The following BTBD9 variants were observed in gnomAD, a reference collection of about 807,000 sequenced individuals.
BTBD9 encodes the protein BTB/POZ domain-containing protein 9.
In BTBD9, 49 loss-of-function variants were observed where a neutral mutation model predicts 64.3. The observed-to-expected ratio is 0.76, with a 90% CI of 0.61 to 0.97. The LOEUF is 0.97. BTBD9 is among the 50% of genes least tolerant of loss of function. The pLI is 0.00. For missense variants in BTBD9, 598 were observed against 762.1 expected (o/e 0.78, Z 2.53); for synonymous variants, 260 against 274.7 (o/e 0.95, Z 0.53).
intron 6 of BTBD9, among the ~76,000 whole-genome samples, chr6:38,444,488 G>A (rs1275013114): frequency 2.6e-5 from 4 of 152,130 alleles, no homozygotes; most frequent in Non-Finnish European, 5.9e-5. Flanking sequence ...TATTAATAAG[G>A]AAAATGGTTG....
intron 6 of BTBD9, among the ~76,000 whole-genome samples, chr6:38,441,682 A>T (rs1382533769): frequency 1.3e-5 from 2 of 152,136 alleles, no homozygotes; most frequent in Admixed American, 1.3e-4. Flanking sequence ...CTCCAAAAGC[A>T]CTAGTATTAA....
intron 7 of BTBD9, among the ~76,000 whole-genome samples, chr6:38,343,129 G>A (rs1445827271): frequency 6.6e-6 from 1 of 152,222 alleles, no homozygotes; most frequent in Non-Finnish European, 1.5e-5. Flanking sequence ...CACCATGGAA[G>A]AGTGCTTGAA....
At chr6:38,492,522 A>G (rs1011598716) in intron 6 of BTBD9, among the ~76,000 whole-genome samples, 7 of 152,216 alleles carry the variant, frequency 4.6e-5, no homozygotes, top group South Asian at 2.1e-4. Context: ...TAAAATAATG[A>G]TTTTTAAACT....
chr6:38,438,848 C>T (rs1211266586), intron 6 of BTBD9, among the ~76,000 whole-genome samples: 2 of 152,092 alleles, frequency 1.3e-5, no homozygotes, highest in Non-Finnish European at 2.9e-5. Context: ...GGTGTTTGGC[C>T]TTACTAAGGC....
chr6:38,213,340 G>A (rs1451944314), intron 9 of BTBD9, among the ~76,000 whole-genome samples: 3 of 152,070 alleles, frequency 2.0e-5, no homozygotes, highest in Non-Finnish European at 4.4e-5. Context: ...GAACAGACAG[G>A]AAGTTGGGAG....
chr6:38,497,885 G>A (rs1772022653), intron 6 of BTBD9, among the ~76,000 whole-genome samples: 1 of 152,174 alleles, frequency 6.6e-6, no homozygotes, highest in African/African-American at 2.4e-5. Flanking sequence ...CTAGGCTACA[G>A]TCAAACTGCA....
At chr6:38,390,898 C>G (rs1363370963) in intron 6 of BTBD9, among the ~76,000 whole-genome samples, 2 of 152,240 alleles carry the variant, frequency 1.3e-5, no homozygotes, top group African/African-American at 4.8e-5. Flanking sequence ...GGAAATTGCA[C>G]TGGTCTGTGA....
intron 5 of BTBD9, among the ~76,000 whole-genome samples, chr6:38,578,004 G>T (rs1337319656): frequency 1.3e-5 from 2 of 152,068 alleles, no homozygotes. Flanking sequence ...ACAGTGCTTG[G>T]CACATCAGGC....
At chr6:38,313,225 T>C (rs980373103) in intron 7 of BTBD9, among the ~76,000 whole-genome samples, 29 of 152,222 alleles carry the variant, frequency 1.9e-4, no homozygotes, top group African/African-American at 6.8e-4. Flanking sequence ...AAAATGCTAC[T>C]GGTGATTTTC....
intron 6 of BTBD9, among the ~76,000 whole-genome samples, chr6:38,416,089 A>G (rs796993486): frequency 1.2e-4 from 19 of 152,278 alleles, no homozygotes; most frequent in African/African-American, 4.6e-4. Context: ...ATTCCATAGT[A>G]CCAAGTACTC....
intron 10 of BTBD9, chr6:38,179,329 A>C (rs928009328): frequency 5.0e-6 from 2 of 398,788 alleles, no homozygotes; most frequent in African/African-American, 4.2e-5. Flanking sequence ...AGTCATTTTC[A>C]AATCAAGAAA....
At chr6:38,419,549 T>G (rs781648205) in intron 6 of BTBD9, among the ~76,000 whole-genome samples, 1 of 152,186 alleles carries the variant, frequency 6.6e-6, no homozygotes, top group African/African-American at 2.4e-5. Flanking sequence ...AAATGCTAAT[T>G]TAGGAAGACT....
intron 6 of BTBD9, among the ~76,000 whole-genome samples, chr6:38,569,009 G>C (rs753416673): frequency 2.6e-5 from 4 of 152,170 alleles, no homozygotes; most frequent in African/African-American, 9.6e-5. Flanking sequence ...TAGGAATTAC[G>C]GGTGGGTAGA....
At chr6:38,617,366 G>A (rs1050167303) in intron 1 of BTBD9, among the ~76,000 whole-genome samples, 10 of 152,100 alleles carry the variant, frequency 6.6e-5, no homozygotes, top group African/African-American at 2.4e-4. Context: ...GGGTCCCAAT[G>A]CCTCTCAGAG....
At chr6:38,462,315 T>A (rs1393040500) in intron 6 of BTBD9, among the ~76,000 whole-genome samples, 1 of 152,238 alleles carries the variant, frequency 6.6e-6, no homozygotes, top group Non-Finnish European at 1.5e-5. Context: ...TTTAGATCGA[T>A]AATCCAGTTG....
intron 6 of BTBD9, among the ~76,000 whole-genome samples, chr6:38,477,635 G>A (rs2127376235): frequency 6.6e-6 from 1 of 152,286 alleles, no homozygotes; most frequent in African/African-American, 2.4e-5. Context: ...TATATTTGCT[G>A]ATTTTATTTT....
chr6:38,572,066 C>T (rs898774956), intron 6 of BTBD9, among the ~76,000 whole-genome samples: 2 of 151,890 alleles, frequency 1.3e-5, no homozygotes, highest in South Asian at 2.1e-4. Context: ...ACACCTACCC[C>T]CCATCTCTGG....
At chr6:38,457,753 G>C (rs1337472209) in intron 6 of BTBD9, among the ~76,000 whole-genome samples, 6 of 152,124 alleles carry the variant, frequency 3.9e-5, no homozygotes, top group Admixed American at 2.6e-4. Context: ...AGTATAAGTA[G>C]AGAAAATAGG....
intron 6 of BTBD9, chr6:38,504,525 T>C (rs1454331764): frequency 1.3e-5 from 6 of 456,648 alleles, no homozygotes; most frequent in Admixed American, 7.0e-5. Flanking sequence ...CACTGTCAGT[T>C]AGATCCCTCT....
Sources: gnomAD v4.1 joint callset for allele counts (sites outside exome capture counted in the v4.1 genomes callset) on GRCh38, gnomAD v4.1.1 for gene constraint, MANE v1.5 for transcripts, NCBI Gene and HGNC (gene_info 2026-07-23, HGNC 2026-07-21) for gene names.